The following DPYD variants were observed in gnomAD, a reference collection of about 807,000 sequenced individuals.
DPYD encodes dihydropyrimidine dehydrogenase [NADP(+)].
A neutral mutation model predicts 116.2 loss-of-function variants in DPYD; 109 were observed. The observed-to-expected ratio is 0.94, with a 90% CI of 0.80 to 1.10. The LOEUF (loss-of-function observed/expected upper bound fraction) is 1.10, where lower values mean the gene tolerates loss of function less well. Ranked by LOEUF, DPYD falls within the 50% of genes least tolerant of loss-of-function variation. The pLI is 0.00. For missense variants in DPYD, 1,302 were observed against 1,254.5 expected, an observed-to-expected ratio of 1.04 and a Z score of -0.57; for synonymous variants, 440 against 432.0, an observed-to-expected ratio of 1.02 and a Z score of -0.23.
chr1:97,269,745 T>C (rs996929552), intron 18 of DPYD, among the ~76,000 whole-genome samples: 25 of 152,048 alleles, frequency 1.6e-4, no homozygotes, highest in Non-Finnish European at 3.1e-4. Context: ...ACCAGCCCTA[T>C]TGCATTAGGG....
intron 18 of DPYD, among the ~76,000 whole-genome samples, chr1:97,289,899 T>C (rs1204498302): frequency 6.6e-6 from 1 of 151,758 alleles, no homozygotes; most frequent in Non-Finnish European, 1.5e-5. Flanking sequence ...AGTCAAATTG[T>C]CCCTGTTTGC....
At chr1:97,423,725 CT>C (rs549793777) in intron 14 of DPYD, among the ~76,000 whole-genome samples, 8 of 152,246 alleles carry the variant, frequency 5.3e-5, no homozygotes, top group East Asian at 3.9e-4. Context: ...CACCAACCCC[CT>C]GACATACTGC....
intron 19 of DPYD, among the ~76,000 whole-genome samples, chr1:97,215,221 G>A (rs990072482): frequency 2.6e-5 from 4 of 152,166 alleles, no homozygotes; most frequent in African/African-American, 9.7e-5. Flanking sequence ...AGTATAAAAT[G>A]TTCACACGTC....
At chr1:97,546,562 T>C in intron 12 of DPYD, 3 of 1,604,032 alleles carry the variant, frequency 1.9e-6, no homozygotes, top group Non-Finnish European at 2.6e-6. Flanking sequence ...GAGCGCTCTA[T>C]TGGAAACCAA....
chr1:97,786,718 T>G (rs1667057029), intron 3 of DPYD, among the ~76,000 whole-genome samples: 1 of 152,250 alleles, frequency 6.6e-6, no homozygotes, highest in South Asian at 2.1e-4. Context: ...AGGCCAATAT[T>G]AAATTACACA....
At chr1:97,111,091 C>G (rs1651560756) in intron 20 of DPYD, among the ~76,000 whole-genome samples, 1 of 151,946 alleles carries the variant, frequency 6.6e-6, no homozygotes, top group South Asian at 2.1e-4. Context: ...GTACATACAC[C>G]CCAAATCTCT....
chr1:97,238,889 T>C (rs1662131067), intron 18 of DPYD, among the ~76,000 whole-genome samples: 1 of 152,176 alleles, frequency 6.6e-6, no homozygotes, highest in Non-Finnish European at 1.5e-5. Flanking sequence ...TAATGGGGAA[T>C]TCAGTTACAT....
chr1:97,670,039 C>T (rs1332988848), intron 8 of DPYD, among the ~76,000 whole-genome samples: 2 of 152,126 alleles, frequency 1.3e-5, no homozygotes, highest in East Asian at 3.9e-4. Context: ...GTGTACTGTG[C>T]ACATGAATAC....
At chr1:97,600,442 T>C (rs997260721) in intron 8 of DPYD, among the ~76,000 whole-genome samples, 2 of 152,196 alleles carry the variant, frequency 1.3e-5, no homozygotes, top group African/African-American at 4.8e-5. Flanking sequence ...GTAACAACTT[T>C]TGTCTTTATT....
At chr1:97,856,984 C>G (rs967548841) in intron 2 of DPYD, among the ~76,000 whole-genome samples, 11 of 152,054 alleles carry the variant, frequency 7.2e-5, no homozygotes, top group African/African-American at 2.7e-4. Context: ...CAAAGGGATC[C>G]CCAGTAGCAG....
At chr1:97,094,233 G>A (rs961514544) in intron 21 of DPYD, among the ~76,000 whole-genome samples, 1 of 152,030 alleles carries the variant, frequency 6.6e-6, no homozygotes, top group Non-Finnish European at 1.5e-5. Context: ...GTTATGCTAA[G>A]GAGCTTACCT....
chr1:97,216,292 T>G (rs76851565), intron 19 of DPYD, among the ~76,000 whole-genome samples: 6 of 13,386 alleles, frequency 4.5e-4, no homozygotes, highest in African/African-American at 2.6e-3. Flanking sequence ...GCTTTCGAAT[T>G]TTTTTTTTAT....
chr1:97,632,171 G>A (rs570220554), intron 8 of DPYD, among the ~76,000 whole-genome samples: 43 of 152,124 alleles, frequency 2.8e-4, no homozygotes, highest in African/African-American at 5.8e-4. Context: ...TTACCAGCCC[G>A]TCATCTGGGC....
intron 18 of DPYD, among the ~76,000 whole-genome samples, chr1:97,249,831 A>G (rs1191930310): frequency 1.3e-5 from 2 of 152,228 alleles, no homozygotes; most frequent in Non-Finnish European, 2.9e-5. Context: ...AAAGTGTTCC[A>G]CATCAGGGAA....
At chr1:97,135,269 A>T (rs899797461) in intron 20 of DPYD, among the ~76,000 whole-genome samples, 1 of 152,194 alleles carries the variant, frequency 6.6e-6, no homozygotes, top group African/African-American at 2.4e-5. Flanking sequence ...TGTACAGTAA[A>T]TTATTAAGTG....
At chr1:97,710,133 T>A (rs1662202650) in intron 5 of DPYD, among the ~76,000 whole-genome samples, 1 of 151,650 alleles carries the variant, frequency 6.6e-6, no homozygotes, top group African/African-American at 2.4e-5. Flanking sequence ...CTAAGATAAA[T>A]CTTAATAAAA....
intron 2 of DPYD, among the ~76,000 whole-genome samples, chr1:97,839,394 T>A (rs1669933259): frequency 6.6e-6 from 1 of 152,186 alleles, no homozygotes; most frequent in African/African-American, 2.4e-5. Flanking sequence ...TTTTCCATGC[T>A]CACACAACAC....
chr1:97,448,754 AG>A (rs2101786545), intron 14 of DPYD, among the ~76,000 whole-genome samples: 1 of 152,162 alleles, frequency 6.6e-6, no homozygotes, highest in African/African-American at 2.4e-5. Context: ...TTTCACATCA[AG>A]CTCAGGAAGA....
chr1:97,818,268 A>G (rs185597792), intron 3 of DPYD, among the ~76,000 whole-genome samples: 208 of 152,152 alleles, frequency 1.4e-3, no homozygotes, highest in South Asian at 6.2e-3. Flanking sequence ...GTCACCTAGT[A>G]CCTACTAGGC....
Sources: gnomAD v4.1 joint callset for allele counts (sites outside exome capture counted in the v4.1 genomes callset) on GRCh38, gnomAD v4.1.1 for gene constraint, MANE v1.5 for transcripts, NCBI Gene and HGNC (gene_info 2026-07-23, HGNC 2026-07-21) for gene names.